Variants in CCSER1 observed in about 807,000 individuals in gnomAD.
CCSER1 encodes coiled-coil serine rich protein 1, also known as serine-rich coiled-coil domain-containing protein 1.
Under a neutral mutation model 82.0 loss-of-function variants are expected in CCSER1, and 41 were observed. The ratio of observed to expected loss-of-function variants is 0.50; its 90% CI spans 0.39 to 0.65. CCSER1 has a LOEUF of 0.65. Among genes scored for constraint, CCSER1 ranks in the 30% least tolerant of loss-of-function variants. The probability of loss-of-function intolerance (pLI) is 0.00; values close to 1 mark genes in which losing one functional copy is unlikely to be tolerated. For missense variants in CCSER1, 1,119 were observed against 1,064.2 expected, an observed-to-expected ratio of 1.05 and a Z score of -0.72; for synonymous variants, 414 against 383.9, an observed-to-expected ratio of 1.08 and a Z score of -0.92.
At chr4:90,890,875 A>G (rs1471293153) in intron 8 of CCSER1, among the ~76,000 whole-genome samples, 1 of 152,186 alleles carries the variant, frequency 6.6e-6, no homozygotes, top group Non-Finnish European at 1.5e-5. Context: ...AATGTCTAGC[A>G]TTAGATAAGG....
chr4:91,295,894 T>C (rs1234259547), intron 10 of CCSER1, among the ~76,000 whole-genome samples: 1 of 151,898 alleles, frequency 6.6e-6, no homozygotes, highest in Non-Finnish European at 1.5e-5. Flanking sequence ...TATTAGGATA[T>C]TTTATGCAGA....
At chr4:90,754,659 C>T (rs1679543183) in intron 7 of CCSER1, among the ~76,000 whole-genome samples, 1 of 152,176 alleles carries the variant, frequency 6.6e-6, no homozygotes, top group Non-Finnish European at 1.5e-5. Flanking sequence ...AAACAGTGTC[C>T]TCTTGTATAT....
chr4:91,181,012 G>A (rs1354956532), intron 10 of CCSER1, among the ~76,000 whole-genome samples: 1 of 152,214 alleles, frequency 6.6e-6, no homozygotes, highest in Non-Finnish European at 1.5e-5. Context: ...GCTTAAGAAT[G>A]ACTTTAAGTG....
chr4:90,670,742 C>T (rs1732643207), intron 6 of CCSER1, among the ~76,000 whole-genome samples: 1 of 151,996 alleles, frequency 6.6e-6, no homozygotes. Context: ...AATCATTAAA[C>T]TGTCACTGAG....
At chr4:90,523,773 G>T (rs781480624) in intron 5 of CCSER1, among the ~76,000 whole-genome samples, 1 of 151,990 alleles carries the variant, frequency 6.6e-6, no homozygotes, top group Non-Finnish European at 1.5e-5. Context: ...TGAAAAGTAC[G>T]AAGATTTCCT....
At chr4:90,848,921 G>C (rs886757519) in intron 8 of CCSER1, among the ~76,000 whole-genome samples, 2 of 152,194 alleles carry the variant, frequency 1.3e-5, no homozygotes, top group African/African-American at 4.8e-5. Flanking sequence ...CCTGTGGAGA[G>C]GTGCCTTCTG....
At chr4:91,174,654 A>G (rs887416576) in intron 10 of CCSER1, among the ~76,000 whole-genome samples, 1 of 152,130 alleles carries the variant, frequency 6.6e-6, no homozygotes, top group Non-Finnish European at 1.5e-5. Flanking sequence ...CTAAAAATAA[A>G]TGTTTTAAAA....
intron 7 of CCSER1, among the ~76,000 whole-genome samples, chr4:90,757,222 T>C (rs1167729397): frequency 6.6e-6 from 1 of 152,176 alleles, no homozygotes; most frequent in African/African-American, 2.4e-5. Context: ...TTCTATAAAA[T>C]AGAGTAGGTG....
At chr4:90,464,372 T>C (rs1050106740) in intron 4 of CCSER1, among the ~76,000 whole-genome samples, 2 of 152,264 alleles carry the variant, frequency 1.3e-5, no homozygotes, top group Non-Finnish European at 2.9e-5. Flanking sequence ...TTTGTATAAT[T>C]AAACATCGGT....
chr4:90,151,553 T>A (rs1379170671), intron 1 of CCSER1, among the ~76,000 whole-genome samples: 1 of 152,080 alleles, frequency 6.6e-6, no homozygotes, highest in East Asian at 1.9e-4. Flanking sequence ...ACCCTTTTTC[T>A]TAATGCTTTT....
At chr4:91,002,332 T>G (rs1738108639) in intron 9 of CCSER1, among the ~76,000 whole-genome samples, 1 of 152,244 alleles carries the variant, frequency 6.6e-6, no homozygotes, top group Non-Finnish European at 1.5e-5. Flanking sequence ...CCTTTATTAT[T>G]CCCCCAGATA....
At chr4:91,206,447 C>T (rs1409443984) in intron 10 of CCSER1, among the ~76,000 whole-genome samples, 3 of 151,972 alleles carry the variant, frequency 2.0e-5, no homozygotes, top group African/African-American at 7.2e-5. Flanking sequence ...AAAGGCACAG[C>T]AGGTTAAGGC....
At chr4:90,216,056 G>A (rs1244246942) in intron 1 of CCSER1, among the ~76,000 whole-genome samples, 3 of 152,176 alleles carry the variant, frequency 2.0e-5, no homozygotes, top group African/African-American at 7.2e-5. Context: ...TCCCTGAAGA[G>A]ATTTGAATAA....
chr4:90,345,968 T>C (rs537717642), intron 3 of CCSER1, among the ~76,000 whole-genome samples: 40 of 152,208 alleles, frequency 2.6e-4, no homozygotes, highest in African/African-American at 9.4e-4. Flanking sequence ...CTTCATAGTC[T>C]CCTTTAATAC....
At chr4:91,442,053 A>G (rs903527581) in intron 10 of CCSER1, among the ~76,000 whole-genome samples, 22 of 152,302 alleles carry the variant, frequency 1.4e-4, no homozygotes, top group Non-Finnish European at 2.6e-4. Context: ...TGCCCAAGGT[A>G]ATTTATAGAT....
At chr4:90,781,297 T>G (rs1383278551) in intron 7 of CCSER1, 3 of 984,948 alleles carry the variant, frequency 3.0e-6, no homozygotes, top group African/African-American at 1.7e-5. Flanking sequence ...AAACAGACAC[T>G]GTGCTGAGCT....
chr4:90,507,572 A>G (rs1001737134), intron 5 of CCSER1, among the ~76,000 whole-genome samples: 3 of 152,074 alleles, frequency 2.0e-5, no homozygotes, highest in Admixed American at 2.0e-4. Flanking sequence ...CAAAAATACA[A>G]TCATTTCATA....
chr4:90,438,424 A>G (rs1322325994), intron 4 of CCSER1, among the ~76,000 whole-genome samples: 1 of 152,164 alleles, frequency 6.6e-6, no homozygotes, highest in African/African-American at 2.4e-5. Context: ...ATGCTGCCAA[A>G]TATTGGTGAA....
In CCSER1 at chr4:91,288,373, G is replaced by C. The variant is rs1005816197; in HGVS notation, c.2217+202379G>C. ...ACTAACCTGTACATAAGTAAAGATA[G>C]ATACTGACAAGGTGAGACCAGTTGT... On this transcript the variant is annotated intron_variant, in intron 10 of 10. Transcript: ENST00000509176. Among the ~76,000 whole-genome samples the C allele has an allele frequency of 5.9e-5, 9 of 151,802 alleles. No individual in the cohort carries two copies. In the South Asian group the frequency reaches 1.9e-3, roughly 31 times the overall value.
Sources: allele counts gnomAD v4.1 joint callset (sites outside exome capture counted in the v4.1 genomes callset), GRCh38; gene constraint gnomAD v4.1.1; transcripts MANE v1.5; gene names NCBI Gene and HGNC (gene_info 2026-07-23, HGNC 2026-07-21).